DOCK11: variants seen among roughly 807,000 people sequenced by gnomAD.
The protein encoded by DOCK11 is dedicator of cytokinesis 11, also known as dedicator of cytokinesis protein 11.
DOCK11 carries 70 observed loss-of-function variants against 169.1 expected under a neutral mutation model. The observed-to-expected ratio is 0.41, with a 90% confidence interval of 0.34 to 0.51. The LOEUF (loss-of-function observed/expected upper bound fraction) is 0.51, where lower values mean the gene tolerates loss of function less well. DOCK11 is among the 20% of genes least tolerant of loss of function. The pLI is 0.10. For synonymous variants in DOCK11, 529 were observed against 541.3 expected (o/e 0.98, Z 0.32); for missense variants, 1,166 against 1,538.8 (o/e 0.76, Z 4.05).
chrX:118,685,013 A>G (rs12846215), intron 52 of DOCK11, among the ~76,000 whole-genome samples: 16,348 of 111,102 alleles, frequency 0.15, 1,000 homozygotes, highest in Admixed American at 0.26. Context: ...TTTTACCTCA[A>G]TCTACTTTAA....
At chrX:118,632,969 T>TGGGGGGGGGGGGGGGG (rs766019635) in intron 35 of DOCK11, 1 of 35,830 alleles carries the variant, frequency 2.8e-5, no homozygotes, top group Non-Finnish European at 4.5e-5. Context: ...TGGGGGGCGG[T>TGGGGGGGGGGGGGGGG]GGGGGGGGGG....
chrX:118,674,941 T>G (rs1226820472), intron 46 of DOCK11, among the ~76,000 whole-genome samples: 1 of 112,291 alleles, frequency 8.9e-6, no homozygotes, highest in Non-Finnish European at 1.9e-5. Context: ...TTGAGTGTCT[T>G]TTCGTGTCCT....
At chrX:118,537,880 T>C (rs1340331378) in intron 1 of DOCK11, among the ~76,000 whole-genome samples, 1 of 111,597 alleles carries the variant, frequency 9.0e-6, no homozygotes, top group East Asian at 2.8e-4. Context: ...ATATTAGAAA[T>C]AAAATTATCT....
intron 51 of DOCK11, among the ~76,000 whole-genome samples, chrX:118,682,299 T>C (rs1295241791): frequency 9.0e-6 from 1 of 110,976 alleles, no homozygotes; most frequent in Non-Finnish European, 1.9e-5. Flanking sequence ...TAGAGAAATA[T>C]CTTTAATATA....
At chrX:118,667,189 G>A (rs2016357392) in intron 45 of DOCK11, among the ~76,000 whole-genome samples, 1 of 111,132 alleles carries the variant, frequency 9.0e-6, no homozygotes, top group African/African-American at 3.3e-5. Flanking sequence ...TTGAGTCTGT[G>A]GTTGAGCAGA....
chrX:118,539,138 A>G (rs2011867406), intron 1 of DOCK11, among the ~76,000 whole-genome samples: 1 of 111,873 alleles, frequency 8.9e-6, no homozygotes, highest in Non-Finnish European at 1.9e-5. Context: ...CCCCTGACAA[A>G]AAAAGTAGGC....
intron 1 of DOCK11, among the ~76,000 whole-genome samples, chrX:118,517,570 G>C (rs747435246): frequency 2.7e-5 from 3 of 110,372 alleles, no homozygotes; most frequent in African/African-American, 9.9e-5. Flanking sequence ...CTAGATTTAT[G>C]TGACACGCAT....
rs1157804079 is a variant in DOCK11, at chrX:118,544,645, C to CTTTTTTTTT, written c.393-654_393-646dup. On this transcript the variant is annotated intron_variant, in intron 4 of 52. Transcript: ENST00000276202. ...TGCAAGAGCCAGAATTACACTGTTGCTTTTTTTTTTTTTTTTTTTTTTTTT... is the reference window on the plus strand; with the variant it reads ...TGCAAGAGCCAGAATTACACTGTTGCTTTTTTTTTTTTTTTTTTTTTTTTTTTTTTTTTT... Among the ~76,000 whole-genome samples the CTTTTTTTTT allele has an allele frequency of 1.0e-3, 24 of 23,363 alleles. 8 individuals are homozygous for CTTTTTTTTT. The highest frequency in any genetic ancestry group is 1.4e-3 in the Non-Finnish European group (20 of 13,900). 20.3% of individuals were successfully genotyped at this position (23,363 alleles called of 115,157 possible).
chrX:118,510,482 G>A (rs2057643511), intron 1 of DOCK11, among the ~76,000 whole-genome samples: 1 of 112,058 alleles, frequency 8.9e-6, no homozygotes, highest in Non-Finnish European at 1.9e-5. Context: ...TCAGACTTGA[G>A]GTGTTTTAGG....
chrX:118,669,033 C>T (rs1315111582), intron 45 of DOCK11, among the ~76,000 whole-genome samples: 1 of 111,635 alleles, frequency 9.0e-6, no homozygotes, highest in Non-Finnish European at 1.9e-5. Context: ...GGAGCGTGTC[C>T]GTTGTTCTGT....
At chrX:118,603,797 C>T (rs961180864) in intron 23 of DOCK11, among the ~76,000 whole-genome samples, 13 of 111,661 alleles carry the variant, frequency 1.2e-4, no homozygotes, top group Admixed American at 1.1e-3. Flanking sequence ...TTTGTACTTG[C>T]CTTGAAAGAG....
At chrX:118,665,328 C>T (rs2016314664) in intron 45 of DOCK11, among the ~76,000 whole-genome samples, 1 of 111,978 alleles carries the variant, frequency 8.9e-6, no homozygotes, top group Non-Finnish European at 1.9e-5. Context: ...ACTGTATAGC[C>T]TTGGACAAGT....
intron 10 of DOCK11, among the ~76,000 whole-genome samples, chrX:118,571,931 G>A (rs1051033593): frequency 3.6e-5 from 4 of 111,575 alleles, no homozygotes; most frequent in Non-Finnish European, 7.5e-5. Flanking sequence ...CAAAAGCCCC[G>A]GCATGGGAGT....
chrX:118,627,622 G>C, intron 33 of DOCK11, 43 bp downstream of exon 33: 2 of 938,743 alleles, frequency 2.1e-6, no homozygotes, highest in Non-Finnish European at 3.1e-6. Flanking sequence ...TGGGTGTTTA[G>C]ACATGTACCC....
At chrX:118,516,018 T>TATATATATATATATATATATAC (rs1269373292) in intron 1 of DOCK11, among the ~76,000 whole-genome samples, 37 of 81,325 alleles carry the variant, frequency 4.5e-4, no homozygotes, top group Non-Finnish European at 7.1e-4. Flanking sequence ...TATATATATA[T>TATATATATATATATATATATAC]ACATTCTTAC....
At chrX:118,660,722 G>A (rs949718228) in intron 44 of DOCK11, among the ~76,000 whole-genome samples, 8 of 109,623 alleles carry the variant, frequency 7.3e-5, no homozygotes, top group Non-Finnish European at 7.6e-5. Flanking sequence ...TGCCTGCCTC[G>A]GCCTCCCAAA....
chrX:118,682,568 A>G (rs2016770460), intron 51 of DOCK11, among the ~76,000 whole-genome samples: 1 of 111,799 alleles, frequency 8.9e-6, no homozygotes, highest in South Asian at 3.7e-4. Context: ...CCTAAGACCT[A>G]CACTCTAATT....
Position 118,542,850 on chromosome X carries a change from A to C in DOCK11, c.219+9A>C. 8.3e-7 allele frequency: 1 copy of C among 1,198,487 alleles called. No homozygotes were observed. Among genetic ancestry groups the C allele is most frequent in the South Asian group, 1.8e-5 (1 of 56,225 alleles). On this transcript the variant is annotated intron_variant, in intron 2 of 52. Coordinates refer to ENST00000276202, the MANE Select transcript of DOCK11 (RefSeq NM_144658.4). ...CAATGGAAGATATATCTGTGAGTTC[A>C]CAAACACTTCTTTAAAGAAAAAAAC... is the stretch of plus-strand genomic sequence containing the variant.
intron 7 of DOCK11, among the ~76,000 whole-genome samples, chrX:118,564,765 CTTCT>C (rs1191120896): frequency 1.2e-4 from 12 of 101,582 alleles, no homozygotes; most frequent in Non-Finnish European, 2.2e-4. Flanking sequence ...TCCTTCCTTC[CTTCT>C]TTCTTTCTTT....
Sources: allele counts gnomAD v4.1 joint callset (sites outside exome capture counted in the v4.1 genomes callset), GRCh38; gene constraint gnomAD v4.1.1; transcripts MANE v1.5; gene names NCBI Gene and HGNC (gene_info 2026-07-23, HGNC 2026-07-21).